Variants in CLVS1 observed in about 807,000 individuals in gnomAD.
CLVS1 encodes clavesin-1.
CLVS1 carries 10 observed loss-of-function variants against 33.1 expected under a neutral mutation model. That is an observed-to-expected ratio of 0.30 (90% confidence interval 0.19 to 0.51). The LOEUF (loss-of-function observed/expected upper bound fraction) is 0.51. Among genes scored for constraint, CLVS1 ranks in the 20% least tolerant of loss-of-function variants. CLVS1 has a pLI of 0.97. For synonymous variants in CLVS1, 163 were observed against 166.1 expected, an observed-to-expected ratio of 0.98 and a Z score of 0.14; for missense variants, 343 against 433.4, an observed-to-expected ratio of 0.79 and a Z score of 1.85.
intron 1 of CLVS1, among the ~76,000 whole-genome samples, chr8:61,061,089 T>A (rs1804575815): frequency 6.6e-6 from 1 of 152,190 alleles, no homozygotes; most frequent in Non-Finnish European, 1.5e-5. Flanking sequence ...CATCAACATG[T>A]TTGGCTTTTG....
chr8:60,967,933 CATTTA>C, the CLVS1 span, among the ~76,000 whole-genome samples: 567 of 152,094 alleles, frequency 3.7e-3, 5 homozygotes, highest in African/African-American at 0.013. Flanking sequence ...TTCCAGAGAT[CATTTA>C]ATTTAATTTA....
intron 2 of CLVS1, among the ~76,000 whole-genome samples, chr8:61,199,905 G>T (rs1448384492): frequency 6.6e-6 from 1 of 152,096 alleles, no homozygotes; most frequent in Non-Finnish European, 1.5e-5. Flanking sequence ...TCTAGTCTAT[G>T]TAACCAAAGA....
chr8:61,105,590 G>A (rs550985307), intron 1 of CLVS1, among the ~76,000 whole-genome samples: 11 of 152,182 alleles, frequency 7.2e-5, no homozygotes, highest in Non-Finnish European at 1.3e-4. Flanking sequence ...CCTTCCACAC[G>A]CCAGGTACTC....
intron 5 of CLVS1, among the ~76,000 whole-genome samples, chr8:61,475,567 T>C (rs1182758650): frequency 5.3e-5 from 8 of 152,196 alleles, no homozygotes; most frequent in Admixed American, 3.3e-4. Context: ...CATTTTTTCA[T>C]GTGTTTTTTG....
intron 2 of CLVS1, among the ~76,000 whole-genome samples, chr8:61,250,283 A>G (rs62524860): frequency 0.68 from 102,539 of 151,514 alleles, 37,232 homozygotes; most frequent in East Asian, 0.97. Flanking sequence ...CTATATCTCT[A>G]TTTTGGTATC....
At chr8:61,030,270 C>A in the CLVS1 span, among the ~76,000 whole-genome samples, 3 of 147,772 alleles carry the variant, frequency 2.0e-5, no homozygotes, top group Non-Finnish European at 4.4e-5. Context: ...GAACTTAGAT[C>A]ACTGCAGGAG....
chr8:61,213,910 C>G (rs1016282987), intron 2 of CLVS1, among the ~76,000 whole-genome samples: 1 of 152,190 alleles, frequency 6.6e-6, no homozygotes, highest in Non-Finnish European at 1.5e-5. Context: ...TCGCTGAACT[C>G]TTTTTCTCAG....
At chr8:60,990,111 C>A in the CLVS1 span, among the ~76,000 whole-genome samples, 1 of 102,792 alleles carries the variant, frequency 9.7e-6, no homozygotes, top group East Asian at 3.3e-4. Flanking sequence ...GGTGACAGAG[C>A]AAGACTCCAT....
intron 1 of CLVS1, among the ~76,000 whole-genome samples, chr8:61,108,981 A>G (rs1805584210): frequency 6.6e-6 from 1 of 152,220 alleles, no homozygotes; most frequent in Admixed American, 6.5e-5. Flanking sequence ...GATGGAGGGA[A>G]AGGGGTGAGG....
chr8:61,376,838 T>G (rs1813665078), intron 3 of CLVS1, 59 bp downstream of exon 3: 1 of 1,435,180 alleles, frequency 7.0e-7, no homozygotes, highest in Admixed American at 2.1e-5. Flanking sequence ...TTTAAAAAAT[T>G]ATCGCAACCA....
chr8:60,972,024 C>T, the CLVS1 span, among the ~76,000 whole-genome samples: 7 of 152,188 alleles, frequency 4.6e-5, no homozygotes, highest in African/African-American at 1.2e-4. Context: ...GGTCTGATCA[C>T]GTGGCCTCAA....
intron 2 of CLVS1, among the ~76,000 whole-genome samples, chr8:61,233,173 A>C (rs2129312495): frequency 6.6e-6 from 1 of 152,342 alleles, no homozygotes; most frequent in Non-Finnish European, 1.5e-5. Context: ...CTCCCTCAGT[A>C]ATAATTGAGA....
At chr8:61,080,049 T>C (rs1284499280) in intron 1 of CLVS1, among the ~76,000 whole-genome samples, 2 of 152,224 alleles carry the variant, frequency 1.3e-5, no homozygotes, top group Non-Finnish European at 2.9e-5. Context: ...CTCAGAATAA[T>C]TTATTGTGGG....
At chr8:61,035,813 C>T in the CLVS1 span, among the ~76,000 whole-genome samples, 1 of 152,188 alleles carries the variant, frequency 6.6e-6, no homozygotes, top group South Asian at 2.1e-4. Context: ...CTTTCTTTTT[C>T]CTCTTCAAAT....
At chr8:61,365,393 G>C (rs1259476747) in intron 2 of CLVS1, among the ~76,000 whole-genome samples, 6 of 152,268 alleles carry the variant, frequency 3.9e-5, no homozygotes, top group Admixed American at 3.3e-4. Flanking sequence ...TGGGTGTGGT[G>C]GTGGGTGCCT....
chr8:61,319,983 C>A (rs1402974698), intron 2 of CLVS1, among the ~76,000 whole-genome samples: 1 of 151,828 alleles, frequency 6.6e-6, no homozygotes, highest in Non-Finnish European at 1.5e-5. Flanking sequence ...GTGTCAAATT[C>A]TTCTAATGTA....
At chr8:61,461,532 TA>T (rs1365242587) in intron 5 of CLVS1, among the ~76,000 whole-genome samples, 1 of 152,234 alleles carries the variant, frequency 6.6e-6, no homozygotes, top group African/African-American at 2.4e-5. Context: ...TAATTTTTTA[TA>T]ATATGCGTTT....
At chr8:61,422,013 AAAG>A (rs1187942567) in intron 3 of CLVS1, among the ~76,000 whole-genome samples, 2 of 152,110 alleles carry the variant, frequency 1.3e-5, no homozygotes, top group Non-Finnish European at 2.9e-5. Context: ...TCAAATAATC[AAAG>A]AAGATTTTCT....
chr8:61,296,506 C>A (rs1810217137), intron 1 of CLVS1, among the ~76,000 whole-genome samples: 1 of 152,192 alleles, frequency 6.6e-6, no homozygotes, highest in South Asian at 2.1e-4. Flanking sequence ...GCTTTAAGCA[C>A]TGTGCTCCAT....
Sources: gnomAD v4.1 joint callset for allele counts (sites outside exome capture counted in the v4.1 genomes callset) on GRCh38, gnomAD v4.1.1 for gene constraint, MANE v1.5 for transcripts, NCBI Gene and HGNC (gene_info 2026-07-23, HGNC 2026-07-21) for gene names.